The following IQCK variants were observed in gnomAD, a reference collection of about 807,000 sequenced individuals.
IQCK encodes the protein IQ domain-containing protein K.
A neutral mutation model predicts 28.1 loss-of-function variants in IQCK; 29 were observed. The observed-to-expected ratio is 1.03, with a 90% CI of 0.77 to 1.41. The LOEUF is 1.41. IQCK is among the 40% of genes most tolerant of loss of function. IQCK has a pLI of 0.00. For synonymous variants in IQCK, 113 were observed against 115.1 expected, an observed-to-expected ratio of 0.98 and a Z score of 0.12; for missense variants, 359 against 314.7, an observed-to-expected ratio of 1.14 and a Z score of -1.07.
At chr16:19,808,334 C>T (rs2055858843) in intron 7 of IQCK, among the ~76,000 whole-genome samples, 3 of 152,168 alleles carry the variant, frequency 2.0e-5, no homozygotes, top group Admixed American at 2.0e-4. Flanking sequence ...AGCAAAACTC[C>T]CTTTTTATTT....
chr16:19,734,322 C>A (rs1346934270), intron 3 of IQCK, among the ~76,000 whole-genome samples: 1 of 151,890 alleles, frequency 6.6e-6, no homozygotes, highest in African/African-American at 2.4e-5. Context: ...CATGGTGAAA[C>A]CCTGTCTCTA....
intron 6 of IQCK, among the ~76,000 whole-genome samples, chr16:19,767,044 C>T (rs564706577): frequency 6.6e-6 from 1 of 152,144 alleles, no homozygotes; most frequent in African/African-American, 2.4e-5. Context: ...GAAAAATTAC[C>T]TTGTCCCCCT....
chr16:19,730,723 A>ATCTATCTG lies in IQCK; in HGVS notation c.246+232_246+233insATCTGTCT, dbSNP rs1374191590. Among the ~76,000 whole-genome samples, 819 of 150,152 alleles carry ATCTATCTG rather than the reference A, an allele frequency of 5.5e-3. 2 individuals carry two copies. The highest frequency in any genetic ancestry group is 0.011 in the South Asian group (52 of 4,712). On this transcript the variant is annotated intron_variant, in intron 2 of 7. Coordinates refer to ENST00000564186, the Ensembl canonical transcript of IQCK. ...AGTTTCGGCGTTTGTCTGTCTATCT[A>ATCTATCTG]TCTGTCTGTCTGTCTGTCTGTCTAT...
intron 7 of IQCK, among the ~76,000 whole-genome samples, chr16:19,823,530 TA>T (rs1432956405): frequency 1.3e-5 from 2 of 152,058 alleles, no homozygotes; most frequent in East Asian, 3.9e-4. Flanking sequence ...GACCACGGCC[TA>T]GAGAGGGAAG....
intron 7 of IQCK, among the ~76,000 whole-genome samples, chr16:19,811,421 A>G (rs1406869740): frequency 6.6e-6 from 1 of 152,236 alleles, no homozygotes; most frequent in Admixed American, 6.5e-5. Context: ...AAACAAGTAC[A>G]GCGAACAGTT....
At chr16:19,793,985 AT>A (rs961746541) in intron 7 of IQCK, among the ~76,000 whole-genome samples, 1 of 4,044 alleles carries the variant, frequency 2.5e-4, no homozygotes, top group Non-Finnish European at 5.1e-4. Flanking sequence ...ACAACTGGAT[AT>A]TCACATGCGA....
rs150181308 is a variant in IQCK at position 19,740,451 on chromosome 16, C to A, written c.474+5001C>A. Among the ~76,000 whole-genome samples the A allele has an allele frequency of 4.7e-3, 713 of 152,256 alleles. 5 individuals carry two copies. The highest frequency in any genetic ancestry group is 0.017 in the African/African-American group (696 of 41,560). ...TCCCAGAGCAGACCTTCAGCCTGGC[C>A]ACACCATTGTCAGATGGCTTTGTCC... is the stretch of plus-strand genomic sequence containing the variant. On this transcript the variant is annotated intron_variant, in intron 4 of 7. Transcript: ENST00000564186.
intron 4 of IQCK, among the ~76,000 whole-genome samples, chr16:19,742,658 G>A (rs1323810974): frequency 6.6e-6 from 1 of 152,172 alleles, no homozygotes; most frequent in African/African-American, 2.4e-5. Flanking sequence ...GTTTATTGAT[G>A]CCATTCAAAT....
chr16:19,756,822 G>A (rs542074569), intron 4 of IQCK, among the ~76,000 whole-genome samples: 3 of 151,650 alleles, frequency 2.0e-5, no homozygotes, highest in South Asian at 4.2e-4. Flanking sequence ...GCGTGAACCC[G>A]GGAGGCAGAG....
At chr16:19,777,242 A>C (rs963206328) in intron 6 of IQCK, among the ~76,000 whole-genome samples, 1 of 152,202 alleles carries the variant, frequency 6.6e-6, no homozygotes, top group African/African-American at 2.4e-5. Context: ...TGTTGATGAA[A>C]GGTATCTTGT....
intron 7 of IQCK, among the ~76,000 whole-genome samples, chr16:19,804,033 A>G (rs1303097641): frequency 6.6e-6 from 1 of 152,226 alleles, no homozygotes; most frequent in Non-Finnish European, 1.5e-5. Flanking sequence ...ATTATATATC[A>G]GTGACTTTCC....
intron 9 of IQCK, 89 bp from the exon 9 acceptor site, chr16:19,856,398 T>C (rs1179569396): frequency 2.8e-6 from 3 of 1,055,252 alleles, no homozygotes; most frequent in Middle Eastern, 2.0e-4. Context: ...CAACTGACCT[T>C]GTCCACACAT....
At chr16:19,736,787 A>G (rs1410825837) in intron 4 of IQCK, among the ~76,000 whole-genome samples, 7 of 152,152 alleles carry the variant, frequency 4.6e-5, no homozygotes, top group Admixed American at 1.3e-4. Context: ...GGAGGGACAC[A>G]GAGGCCTGAA....
At chr16:19,724,162 C>A (rs1977582447) in intron 1 of IQCK, among the ~76,000 whole-genome samples, 1 of 152,132 alleles carries the variant, frequency 6.6e-6, no homozygotes, top group African/African-American at 2.4e-5. Flanking sequence ...TTTGTCTCTT[C>A]CTGGAACATC....
chr16:19,726,487 T>C (rs1977660042), intron 1 of IQCK, among the ~76,000 whole-genome samples: 1 of 152,076 alleles, frequency 6.6e-6, no homozygotes, highest in Non-Finnish European at 1.5e-5. Context: ...CCAAAATACC[T>C]CTCTGTGGAT....
intron 6 of IQCK, among the ~76,000 whole-genome samples, chr16:19,765,154 G>A (rs1194529432): frequency 8.2e-5 from 12 of 146,306 alleles, no homozygotes; most frequent in African/African-American, 3.0e-4. Flanking sequence ...CCCTGGAGGC[G>A]GAGCTGGCAG....
chr16:19,781,696 T>C (rs2055486623), intron 6 of IQCK, among the ~76,000 whole-genome samples: 1 of 152,100 alleles, frequency 6.6e-6, no homozygotes, highest in Non-Finnish European at 1.5e-5. Context: ...AAGCCAATAA[T>C]GTGATGCCTC....
rs544956963 is a variant in IQCK, at chr16:19,720,591, A to G, written c.181+2104A>G. 7.9e-5 allele frequency among the ~76,000 whole-genome samples: 12 copies of G among 152,350 alleles called. No homozygotes were observed. In the East Asian group the frequency reaches 2.1e-3, roughly 27 times the overall value. ...AAATGTTCATTATTGTTGACAAAGAAACATGCCTTGTGTTGTGATTTACAC... is the reference window on the plus strand; with the variant it reads ...AAATGTTCATTATTGTTGACAAAGAGACATGCCTTGTGTTGTGATTTACAC... On this transcript the variant is annotated intron_variant, in intron 1 of 7. Coordinates refer to ENST00000564186, the Ensembl canonical transcript of IQCK.
intron 4 of IQCK, among the ~76,000 whole-genome samples, chr16:19,747,456 GC>G (rs1422052933): frequency 6.6e-6 from 1 of 152,050 alleles, no homozygotes; most frequent in Non-Finnish European, 1.5e-5. Context: ...AAGTCACAAG[GC>G]CAGCCCAGAT....
Sources: allele counts gnomAD v4.1 joint callset (sites outside exome capture counted in the v4.1 genomes callset), GRCh38; gene constraint gnomAD v4.1.1; transcripts MANE v1.5; gene names NCBI Gene and HGNC (gene_info 2026-07-23, HGNC 2026-07-21).